ANKRD33B: variants seen among roughly 807,000 people sequenced by gnomAD.
ANKRD33B encodes the protein ankyrin repeat domain 33B.
A neutral mutation model predicts 21.5 loss-of-function variants in ANKRD33B; 6 were observed. The observed-to-expected ratio is 0.28, with a 90% CI of 0.15 to 0.55. The LOEUF (loss-of-function observed/expected upper bound fraction) is 0.55. Ranked by LOEUF, ANKRD33B falls within the 20% of genes least tolerant of loss-of-function variation. The probability of loss-of-function intolerance (pLI) is 0.94; values close to 1 mark genes in which losing one functional copy is unlikely to be tolerated. For synonymous variants in ANKRD33B, 347 were observed against 342.4 expected, an observed-to-expected ratio of 1.01 and a Z score of -0.15; for missense variants, 698 against 747.2, an observed-to-expected ratio of 0.93 and a Z score of 0.77.
intron 1 of ANKRD33B, among the ~76,000 whole-genome samples, chr5:10,577,097 C>T (rs1162213055): frequency 2.7e-5 from 4 of 148,820 alleles, no homozygotes; most frequent in African/African-American, 5.1e-5. Flanking sequence ...CCTTTCCCTT[C>T]CCCTTCCCCT....
chr5:10,606,862 G>A (rs911652536), intron 1 of ANKRD33B, among the ~76,000 whole-genome samples: 2 of 151,394 alleles, frequency 1.3e-5, no homozygotes, highest in Non-Finnish European at 2.9e-5. Flanking sequence ...CTGAGTAGTT[G>A]CGATTACAGG....
intron 1 of ANKRD33B, among the ~76,000 whole-genome samples, chr5:10,598,879 C>G (rs900763511): frequency 6.6e-6 from 1 of 152,208 alleles, no homozygotes; most frequent in Non-Finnish European, 1.5e-5. Flanking sequence ...ACAGAGAAAT[C>G]CTGTCTTAAA....
chr5:10,635,192 A>G (rs1246718003), intron 2 of ANKRD33B, among the ~76,000 whole-genome samples: 1 of 152,186 alleles, frequency 6.6e-6, no homozygotes, highest in African/African-American at 2.4e-5. Flanking sequence ...CATCCTGCAG[A>G]AGATTGTGAC....
chr5:10,629,518 A>G (rs1289307810), intron 2 of ANKRD33B, among the ~76,000 whole-genome samples: 2 of 152,072 alleles, frequency 1.3e-5, no homozygotes, highest in Non-Finnish European at 2.9e-5. Context: ...GCTTCGGAGG[A>G]AAGATGTTTT....
chr5:10,612,439 C>G (rs1003492983), intron 1 of ANKRD33B, among the ~76,000 whole-genome samples: 1 of 152,194 alleles, frequency 6.6e-6, no homozygotes, highest in Non-Finnish European at 1.5e-5. Flanking sequence ...CTGGTTACCT[C>G]CTAGTGGCCA....
intron 1 of ANKRD33B, among the ~76,000 whole-genome samples, chr5:10,617,963 C>T (rs1736323473): frequency 6.6e-6 from 1 of 152,208 alleles, no homozygotes; most frequent in Non-Finnish European, 1.5e-5. Context: ...CCCTAGAGAG[C>T]TGCACCCGCC....
rs765848388 is a variant in ANKRD33B at position 10,651,523 on chromosome 5, A to G, written c.*1410A>G. 1 of 152,366 alleles carries G rather than the reference A, an allele frequency of 6.6e-6. No individual in the cohort carries two copies. The highest frequency in any genetic ancestry group is 1.5e-5 in the Non-Finnish European group (1 of 68,038). The allele number at this position is 152,366 out of a possible 1,614,324, so 9.4% of individuals were successfully genotyped here. The stretch of plus-strand genomic sequence containing the variant: ...GCATTCTAATTCGGCAGGGCAGGGT[A>G]TGAAAGCTGGAAACTCAGGCTGGAG... On this transcript the variant is annotated 3_prime_UTR_variant, in exon 4 of 4. Transcript: ENST00000296657.
At chr5:10,565,643 AGAAAG>A (rs1735032423) in intron 1 of ANKRD33B, among the ~76,000 whole-genome samples, 1 of 152,224 alleles carries the variant, frequency 6.6e-6, no homozygotes, top group African/African-American at 2.4e-5. Flanking sequence ...AGAAAAGAAA[AGAAAG>A]GAAAAGAAAA....
intron 1 of ANKRD33B, among the ~76,000 whole-genome samples, chr5:10,590,055 AAT>A (rs561524775): frequency 6.6e-6 from 1 of 151,362 alleles, no homozygotes; most frequent in Non-Finnish European, 1.5e-5. Flanking sequence ...TTACATTCTT[AAT>A]TTCAATTATG....
intron 3 of ANKRD33B, among the ~76,000 whole-genome samples, chr5:10,639,523 C>T (rs1385146660): frequency 3.2e-4 from 6 of 18,618 alleles, no homozygotes; most frequent in East Asian, 1.1e-3. Flanking sequence ...CGGCGTTGCG[C>T]GGCGATGTTA....
At chr5:10,566,479 A>G (rs1477105730) in intron 1 of ANKRD33B, among the ~76,000 whole-genome samples, 3 of 152,186 alleles carry the variant, frequency 2.0e-5, no homozygotes, top group African/African-American at 7.2e-5. Flanking sequence ...ATAAAGGAAC[A>G]GGTGGGGTGG....
intron 1 of ANKRD33B, among the ~76,000 whole-genome samples, chr5:10,597,306 G>T (rs1735840001): frequency 6.6e-6 from 1 of 152,188 alleles, no homozygotes; most frequent in Non-Finnish European, 1.5e-5. Context: ...CATCTCACAT[G>T]CAAAGACACA....
rs370847235 is a variant in ANKRD33B, at chr5:10,638,907, A to G, written c.637+739A>G. On this transcript the variant is annotated intron_variant, in intron 3 of 3. Transcript: ENST00000296657. ...AGCGGGTGACGTGGAGTTGTGTGGT[A>G]ATGTTAGCGGGTGACGCGGAGTTGC... Among the ~76,000 whole-genome samples the G allele has an allele frequency of 1.7e-4, 22 of 126,056 alleles. 1 individual carries two copies. Among genetic ancestry groups the G allele is most frequent in the East Asian group, 6.7e-4 (3 of 4,486 alleles). The allele number at this position is 126,056 out of a possible 152,430, so 82.7% of individuals were successfully genotyped here. A position where few individuals can be genotyped will look rare whatever the true frequency, so the allele number is the denominator to read the frequency against.
At position 10,592,450 on chromosome 5, in the gene ANKRD33B, TAAA is replaced by T. The variant is rs35660672; in HGVS notation, c.367-25858_367-25856del. Among the ~76,000 whole-genome samples the T allele has an allele frequency of 7.2e-3, 497 of 69,070 alleles. 2 individuals carry two copies. The highest frequency in any genetic ancestry group is 0.025 in the African/African-American group (403 of 16,096). The allele number at this position is 69,070 out of a possible 152,430, so 45.3% of individuals were successfully genotyped here. A position where few individuals can be genotyped will look rare whatever the true frequency, so the allele number is the denominator to read the frequency against. Reference sequence around the variant, plus strand: ...CAACATGGTGAAACCCCATCTCTACTAAAAAAAAAAAAAAAAAAAAAAAAAAAT... The same window carrying T: ...CAACATGGTGAAACCCCATCTCTACTAAAAAAAAAAAAAAAAAAAAAAAAT... On this transcript the variant is annotated intron_variant, in intron 1 of 3. Transcript: ENST00000296657.
chr5:10,595,186 G>A (rs745785809), intron 1 of ANKRD33B, among the ~76,000 whole-genome samples: 27 of 152,198 alleles, frequency 1.8e-4, no homozygotes, highest in Non-Finnish European at 3.4e-4. Context: ...AGCAGGAGAG[G>A]AGGGAGGAGG....
At chr5:10,611,081 TGGATACATGCATATGTAATAAAAA>T (rs1736161500) in intron 1 of ANKRD33B, among the ~76,000 whole-genome samples, 2 of 152,102 alleles carry the variant, frequency 1.3e-5, no homozygotes, top group African/African-American at 4.8e-5. Flanking sequence ...ATATTGTTTA[TGGATACATGCATATGTAATAAAAA>T]TTCAAAAGCA....
chr5:10,607,901 G>T (rs535884391), intron 1 of ANKRD33B, among the ~76,000 whole-genome samples: 10 of 152,274 alleles, frequency 6.6e-5, no homozygotes, highest in Non-Finnish European at 8.8e-5. Flanking sequence ...TCTCTAGGAG[G>T]AGCACAAATG....
intron 1 of ANKRD33B, among the ~76,000 whole-genome samples, chr5:10,580,094 CT>C (rs71613380): frequency 0.075 from 11,422 of 152,244 alleles, 515 homozygotes; most frequent in Middle Eastern, 0.11. Context: ...TTATGTCCCC[CT>C]ATCTTGACAT....
At chr5:10,649,096 G>A (rs1050909454) in intron 3 of ANKRD33B, among the ~76,000 whole-genome samples, 170 bp from the exon 4 acceptor site, 33 of 121,616 alleles carry the variant, frequency 2.7e-4, no homozygotes, top group Admixed American at 1.8e-3. Flanking sequence ...CCCGCCTTCC[G>A]GCGCTCAGAT....
Sources: allele counts gnomAD v4.1 joint callset (sites outside exome capture counted in the v4.1 genomes callset), GRCh38; gene constraint gnomAD v4.1.1; transcripts MANE v1.5; gene names NCBI Gene and HGNC (gene_info 2026-07-23, HGNC 2026-07-21).